The following C10orf90 variants were observed in gnomAD, a reference collection of about 807,000 sequenced individuals.
C10orf90 encodes the protein chromosome 10 open reading frame 90, also known as (E2-independent) E3 ubiquitin-conjugating enzyme FATS.
Under a neutral mutation model 62.5 loss-of-function variants are expected in C10orf90, and 56 were observed. That is an observed-to-expected ratio of 0.90 (90% CI 0.72 to 1.12). The LOEUF (loss-of-function observed/expected upper bound fraction) is 1.12, where lower values mean the gene tolerates loss of function less well. Ranked by LOEUF, C10orf90 falls within the 50% of genes most tolerant of loss-of-function variation. The probability of loss-of-function intolerance (pLI) is 0.00; values close to 1 mark genes in which losing one functional copy is unlikely to be tolerated. For missense variants in C10orf90, 970 were observed against 880.4 expected, an observed-to-expected ratio of 1.10 and a Z score of -1.29; for synonymous variants, 386 against 340.4, an observed-to-expected ratio of 1.13 and a Z score of -1.47.
chr10:126,522,045 G>C (rs952917733), intron 2 of C10orf90, among the ~76,000 whole-genome samples: 1 of 152,084 alleles, frequency 6.6e-6, no homozygotes, highest in Non-Finnish European at 1.5e-5. Flanking sequence ...AAGGTGGGTG[G>C]ATCCCCTAAG....
In C10orf90 at chr10:126,576,287, A is replaced by G. The variant is rs77222954; in HGVS notation, c.314-62348T>C. ...ATCTGAGCCAACATCTCTCAAAAGG[A>G]GACATAAAAAATGGCCAAGAAAGAT... On this transcript the variant is annotated intron_variant, in intron 2 of 9. Transcript: ENST00000488181. 3.1e-3 allele frequency among the ~76,000 whole-genome samples: 475 copies of G among 152,272 alleles called. 4 individuals carry two copies. Among genetic ancestry groups the G allele is most frequent in the African/African-American group, 0.01 (416 of 41,570 alleles).
chr10:126,613,127 G>C (rs1209230428), intron 2 of C10orf90, among the ~76,000 whole-genome samples: 1 of 152,114 alleles, frequency 6.6e-6, no homozygotes, highest in African/African-American at 2.4e-5. Flanking sequence ...ATATTAAAGG[G>C]CTCTAGACTT....
chr10:126,568,993 C>T (rs1367729945), intron 2 of C10orf90, among the ~76,000 whole-genome samples: 3 of 152,150 alleles, frequency 2.0e-5, no homozygotes. Flanking sequence ...CACCAGAGCC[C>T]TGCTGGGGGC....
At position 126,503,847 on chromosome 10, in the gene C10orf90, C is replaced by G. The variant is rs560091964; in HGVS notation, c.1534+110G>C. The G allele has an allele frequency of 2.2e-5, 29 of 1,321,308 alleles. No homozygotes were observed. The African/African-American group carries it at 4.0e-4, about 18-fold the overall frequency. The allele number at this position is 1,321,308 out of a possible 1,614,324, so 81.8% of individuals were successfully genotyped here. A position where few individuals can be genotyped will look rare whatever the true frequency, so the allele number is the denominator to read the frequency against. On this transcript the variant is annotated intron_variant, in intron 4 of 9. Coordinates refer to ENST00000488181, the MANE Select transcript of C10orf90 (RefSeq NM_001350921.2). ...ATGAGCAGAGCAGATCACTGCAAGT[C>G]TACTGAGAAATGCCTCTTAGAATAA...
chr10:126,555,678 C>CAGTAAATA (rs1393991506), intron 2 of C10orf90, among the ~76,000 whole-genome samples: 17 of 63,482 alleles, frequency 2.7e-4, no homozygotes, highest in African/African-American at 1.0e-3. Context: ...GACTCTATCT[C>CAGTAAATA]AGTAAATAAA....
At chr10:126,598,245 G>A (rs1845125395) in intron 2 of C10orf90, among the ~76,000 whole-genome samples, 1 of 152,044 alleles carries the variant, frequency 6.6e-6, no homozygotes, top group Admixed American at 6.6e-5. Context: ...ACCCACTCCT[G>A]GCCCTTCTCC....
At chr10:126,477,313 G>GAA (rs72254071) in intron 4 of C10orf90, among the ~76,000 whole-genome samples, 4 of 140,660 alleles carry the variant, frequency 2.8e-5, no homozygotes, top group African/African-American at 1.0e-4. Context: ...TAAAGAACAT[G>GAA]AAAAAAAAAA....
At chr10:126,521,156 G>T in intron 2 of C10orf90, 1 of 877,460 alleles carries the variant, frequency 1.1e-6, no homozygotes. Flanking sequence ...GTTGGCCCAG[G>T]TCTTTAGAGA....
intron 1 of C10orf90, 49 bp downstream of exon 1, chr10:126,670,192 C>G (rs1020108663): frequency 2.2e-6 from 1 of 448,652 alleles, no homozygotes; most frequent in African/African-American, 2.0e-5. Flanking sequence ...ACGTCCATCT[C>G]TCTCTGAGTC....
At chr10:126,557,672 C>T (rs920415968) in intron 2 of C10orf90, among the ~76,000 whole-genome samples, 2 of 152,128 alleles carry the variant, frequency 1.3e-5, no homozygotes, top group Non-Finnish European at 2.9e-5. Context: ...CTGTACTGTT[C>T]ATACCCTGCT....
chr10:126,522,125 A>G (rs1863771090), intron 2 of C10orf90, among the ~76,000 whole-genome samples: 1 of 152,150 alleles, frequency 6.6e-6, no homozygotes, highest in Non-Finnish European at 1.5e-5. Flanking sequence ...AAAATTAGCC[A>G]GGCATGATGG....
intron 4 of C10orf90, among the ~76,000 whole-genome samples, chr10:126,488,186 T>G (rs1861539862): frequency 6.6e-6 from 1 of 152,138 alleles, no homozygotes; most frequent in Admixed American, 6.5e-5. Context: ...GTAAATGGCC[T>G]AAATTTTCTA....
chr10:126,583,066 G>A (rs1359473506), intron 2 of C10orf90, among the ~76,000 whole-genome samples: 4 of 152,082 alleles, frequency 2.6e-5, no homozygotes, highest in South Asian at 4.2e-4. Context: ...CTCTACTCGC[G>A]GGACACCAGT....
intron 8 of C10orf90, among the ~76,000 whole-genome samples, chr10:126,426,879 A>G (rs1236286219): frequency 6.6e-6 from 1 of 152,206 alleles, no homozygotes; most frequent in Admixed American, 6.5e-5. Context: ...CATGATGACA[A>G]TCTTCGCAGG....
chr10:126,642,303 T>A (rs563042404), intron 2 of C10orf90, among the ~76,000 whole-genome samples: 17 of 152,128 alleles, frequency 1.1e-4, no homozygotes, highest in Non-Finnish European at 2.4e-4. Flanking sequence ...GAGGCCAAGG[T>A]GGGCAGATCA....
chr10:126,555,401 G>A (rs1297067550), intron 2 of C10orf90, among the ~76,000 whole-genome samples: 12 of 152,080 alleles, frequency 7.9e-5, no homozygotes, highest in Non-Finnish European at 1.3e-4. Context: ...GGCTGGGCAC[G>A]GTGACTCATG....
At chr10:126,566,406 T>C (rs752111813) in intron 2 of C10orf90, among the ~76,000 whole-genome samples, 85 of 152,278 alleles carry the variant, frequency 5.6e-4, no homozygotes, top group Admixed American at 1.2e-3. Context: ...GTATAGGCCT[T>C]CAGGGAACAA....
At position 126,667,513 on chromosome 10, in the gene C10orf90, G is replaced by A. The variant is rs116433652; in HGVS notation, c.240+2728C>T. 6.5e-3 allele frequency among the ~76,000 whole-genome samples: 989 copies of A among 152,270 alleles called. 14 individuals carry two copies. Among genetic ancestry groups the A allele is most frequent in the African/African-American group, 0.022 (922 of 41,536 alleles). On this transcript the variant is annotated intron_variant, in intron 1 of 9. Coordinates refer to ENST00000488181, the MANE Select transcript of C10orf90 (RefSeq NM_001350921.2). ...GTGATTAAAGGCATTAGAAACTGTC[G>A]CCTGTCAGAGGACAGATGGGTGAGC...
intron 4 of C10orf90, among the ~76,000 whole-genome samples, chr10:126,474,033 CA>C (rs1860729072): frequency 6.6e-6 from 1 of 152,144 alleles, no homozygotes; most frequent in African/African-American, 2.4e-5. Context: ...GTACACCAAC[CA>C]GTAGCATTGA....
Sources: allele counts gnomAD v4.1 joint callset (sites outside exome capture counted in the v4.1 genomes callset), GRCh38; gene constraint gnomAD v4.1.1; transcripts MANE v1.5; gene names NCBI Gene and HGNC (gene_info 2026-07-23, HGNC 2026-07-21).